The following CCSER2 variants were observed in gnomAD, a reference collection of about 807,000 sequenced individuals.
CCSER2 encodes serine-rich coiled-coil domain-containing protein 2.
CCSER2 carries 46 observed loss-of-function variants against 92.3 expected under a neutral mutation model. That is an observed-to-expected ratio of 0.50 (90% CI 0.39 to 0.64). The LOEUF (loss-of-function observed/expected upper bound fraction) is 0.64, where lower values mean the gene tolerates loss of function less well. Ranked by LOEUF, CCSER2 falls within the 30% of genes least tolerant of loss-of-function variation. The pLI is 0.00. For missense variants in CCSER2, 1,244 were observed against 1,238.9 expected (o/e 1.00, Z -0.06); for synonymous variants, 433 against 431.4 (o/e 1.00, Z -0.04).
intron 9 of CCSER2, among the ~76,000 whole-genome samples, chr10:84,494,998 TCTTA>T (rs35769698): frequency 0.35 from 52,161 of 149,100 alleles, 10,936 homozygotes; most frequent in East Asian, 0.5. Context: ...TTTTCTTTCT[TCTTA>T]CTTTGGGTTT....
intron 3 of CCSER2, among the ~76,000 whole-genome samples, chr10:84,376,965 C>T (rs138418277): frequency 9.9e-5 from 15 of 152,010 alleles, no homozygotes; most frequent in South Asian, 2.1e-4. Context: ...GTTTATTGGG[C>T]CATTAGGATA....
chr10:84,465,207 T>C (rs1846322259), intron 7 of CCSER2, among the ~76,000 whole-genome samples: 1 of 147,908 alleles, frequency 6.8e-6, no homozygotes, highest in African/African-American at 2.5e-5. Flanking sequence ...GTGACTGACA[T>C]TTTAAAAGCA....
chr10:84,459,699 G>A (rs11201050), intron 6 of CCSER2, among the ~76,000 whole-genome samples: 22,858 of 151,876 alleles, frequency 0.15, 1,836 homozygotes, highest in Admixed American at 0.24. Context: ...ATTTTTTATA[G>A]TTTTGGTAGA....
chr10:84,446,808 T>C (rs1844947023), intron 6 of CCSER2, among the ~76,000 whole-genome samples: 1 of 152,182 alleles, frequency 6.6e-6, no homozygotes, highest in African/African-American at 2.4e-5. Context: ...TCTGTGTTTG[T>C]ATTTCCGTGA....
chr10:84,457,262 A>G (rs1191488394), intron 6 of CCSER2, among the ~76,000 whole-genome samples: 2 of 33,558 alleles, frequency 6.0e-5, no homozygotes, highest in African/African-American at 3.1e-4. Flanking sequence ...TATATAAAAT[A>G]TATTATATAT....
intron 3 of CCSER2, among the ~76,000 whole-genome samples, chr10:84,387,091 A>T (rs1036049197): frequency 1.3e-5 from 2 of 152,200 alleles, no homozygotes; most frequent in African/African-American, 4.8e-5. Flanking sequence ...TCAAAAAAAA[A>T]TCTGTATCCA....
intron 9 of CCSER2, among the ~76,000 whole-genome samples, chr10:84,494,876 A>G (rs1230678910): frequency 2.0e-5 from 3 of 152,216 alleles, no homozygotes; most frequent in Non-Finnish European, 4.4e-5. Flanking sequence ...TGGATCTCAC[A>G]CAGGAAATTT....
At chr10:84,446,513 C>T (rs539741744) in intron 6 of CCSER2, among the ~76,000 whole-genome samples, 1 of 152,210 alleles carries the variant, frequency 6.6e-6, no homozygotes, top group South Asian at 2.1e-4. Context: ...GAATGATTTC[C>T]ACTTGGTAGC....
intron 1 of CCSER2, 90 bp from the exon 2 acceptor site, chr10:84,370,924 G>C (rs745579539): frequency 1.7e-5 from 10 of 573,930 alleles, no homozygotes; most frequent in Middle Eastern, 4.8e-4. Context: ...GTTTTTCTGC[G>C]TATAAAAGTG....
At chr10:84,360,532 A>G (rs1166735062) in intron 1 of CCSER2, among the ~76,000 whole-genome samples, 1 of 152,200 alleles carries the variant, frequency 6.6e-6, no homozygotes, top group Non-Finnish European at 1.5e-5. Flanking sequence ...ATGAAGTATA[A>G]CTTACATACA....
At chr10:84,450,567 T>C (rs979030310) in intron 6 of CCSER2, among the ~76,000 whole-genome samples, 2 of 152,130 alleles carry the variant, frequency 1.3e-5, no homozygotes, top group Non-Finnish European at 1.5e-5. Context: ...TGCTCAAGAC[T>C]CCAAGGCCAA....
chr10:84,494,961 A>G (rs1202715646), intron 9 of CCSER2, among the ~76,000 whole-genome samples: 2 of 150,890 alleles, frequency 1.3e-5, no homozygotes, highest in Admixed American at 1.3e-4. Flanking sequence ...TTACACCACA[A>G]AACTGCTGAT....
At chr10:84,422,565 C>T (rs751815823) in intron 4 of CCSER2, among the ~76,000 whole-genome samples, 3 of 152,110 alleles carry the variant, frequency 2.0e-5, no homozygotes, top group Non-Finnish European at 4.4e-5. Context: ...GTTCTCAACT[C>T]ATAGTTAGGG....
At chr10:84,462,584 TC>T (rs2133663230) in intron 6 of CCSER2, among the ~76,000 whole-genome samples, 1 of 152,352 alleles carries the variant, frequency 6.6e-6, no homozygotes, top group Non-Finnish European at 1.5e-5. Flanking sequence ...AAAAATGTGT[TC>T]CGAGAATATT....
chr10:84,490,557 CA>C (rs1362703542), intron 9 of CCSER2, among the ~76,000 whole-genome samples: 1 of 152,206 alleles, frequency 6.6e-6, no homozygotes, highest in Non-Finnish European at 1.5e-5. Flanking sequence ...GTGCATTCGT[CA>C]CGTAGTTCTC....
At chr10:84,403,928 GTTTGTC>G (rs1444704134) in intron 3 of CCSER2, among the ~76,000 whole-genome samples, 1 of 152,186 alleles carries the variant, frequency 6.6e-6, no homozygotes, top group Non-Finnish European at 1.5e-5. Flanking sequence ...GAGAGACAGA[GTTTGTC>G]TTTGTTCAGA....
intron 3 of CCSER2, among the ~76,000 whole-genome samples, chr10:84,416,319 T>G (rs1842884545): frequency 6.6e-6 from 1 of 152,220 alleles, no homozygotes; most frequent in South Asian, 2.1e-4. Flanking sequence ...TTGAAGGTGC[T>G]GAGTTCACTC....
intron 1 of CCSER2, among the ~76,000 whole-genome samples, chr10:84,334,961 C>T (rs772871135): frequency 6.6e-6 from 1 of 152,168 alleles, no homozygotes; most frequent in Non-Finnish European, 1.5e-5. Flanking sequence ...TCCTTCCTTC[C>T]CTTTGTTATG....
intron 1 of CCSER2, among the ~76,000 whole-genome samples, chr10:84,349,270 A>T (rs1029597989): frequency 2.0e-5 from 3 of 152,206 alleles, no homozygotes; most frequent in African/African-American, 7.2e-5. Context: ...AATCCCATTA[A>T]TTGTTCAAGC....
Sources: allele counts gnomAD v4.1 joint callset (sites outside exome capture counted in the v4.1 genomes callset), GRCh38; gene constraint gnomAD v4.1.1; transcripts MANE v1.5; gene names NCBI Gene and HGNC (gene_info 2026-07-23, HGNC 2026-07-21).